Variants in ZGLP1 observed in about 807,000 individuals in gnomAD.
The protein encoded by ZGLP1 is zinc finger GATA like protein 1.
ZGLP1 carries 11 observed loss-of-function variants against 21.4 expected under a neutral mutation model. The observed-to-expected ratio is 0.51, with a 90% confidence interval of 0.32 to 0.85. The LOEUF is 0.85. ZGLP1 is among the 40% of genes least tolerant of loss of function. The pLI, the probability that ZGLP1 is intolerant of heterozygous loss-of-function variation, is 0.03. For missense variants in ZGLP1, 295 were observed against 355.6 expected, an observed-to-expected ratio of 0.83 and a Z score of 1.37; for synonymous variants, 148 against 145.0, an observed-to-expected ratio of 1.02 and a Z score of -0.15.
rs1431269671 is a variant in ZGLP1, at chr19:10,308,176, G to A, written c.497+9C>T. 9.2e-6 allele frequency: 14 copies of A among 1,517,770 alleles called. No individual in the cohort carries two copies. Among genetic ancestry groups the A allele is most frequent in the Non-Finnish European group, 1.2e-5 (14 of 1,134,722 alleles). The allele number at this position is 1,517,770 out of a possible 1,614,324, so 94.0% of individuals were successfully genotyped here. Reference sequence around the variant, plus strand: ...GAGAAAGGGCGGCCTGGCCCCAGCCGGCCCCTACCTGTACGTGGGGATGAT... The same window carrying A: ...GAGAAAGGGCGGCCTGGCCCCAGCCAGCCCCTACCTGTACGTGGGGATGAT... On this transcript the variant is annotated intron_variant, in intron 1 of 3. Coordinates refer to ENST00000403903, the Ensembl canonical transcript of ZGLP1.
At position 10,305,555 on chromosome 19, in the gene ZGLP1, G is replaced by C. The variant is rs138678961; in HGVS notation, c.605-72C>G. 3 of 1,382,360 alleles carry C rather than the reference G, an allele frequency of 2.2e-6. No individual in the cohort carries two copies. The highest frequency in any genetic ancestry group is 2.0e-6 in the Non-Finnish European group (2 of 995,002). The allele number at this position is 1,382,360 out of a possible 1,614,324, so 85.6% of individuals were successfully genotyped here. ...GAGCTCGGGATGCCTGTGCGGAGTC[G>C]GGCATTTTGTGGGGGTCTCAGTAAA... On this transcript the variant is annotated intron_variant, in intron 2 of 3. Transcript: ENST00000403903. This position sits in a 1 kb window ranked among gnomAD's most constrained non-coding sequence, Gnocchi z 4.7.
chr19:10,307,256 T>G (rs1431595598), intron 1 of ZGLP1, among the ~76,000 whole-genome samples: 1 of 152,004 alleles, frequency 6.6e-6, no homozygotes, highest in African/African-American at 2.4e-5. Flanking sequence ...CAGGCTGGTC[T>G]TGAACTCCTG....
At chr19:10,307,011 G>A (rs1039265712) in intron 1 of ZGLP1, among the ~76,000 whole-genome samples, 3 of 151,778 alleles carry the variant, frequency 2.0e-5, no homozygotes, top group Non-Finnish European at 1.5e-5. Flanking sequence ...GCAGGCACCT[G>A]TAATCCCAGC....
Position 10,305,684 on chromosome 19 carries a change from G to C in ZGLP1, c.604+162C>G, listed in dbSNP as rs1338421898. 7 of 743,660 alleles carry C rather than the reference G, an allele frequency of 9.4e-6. No individual in the cohort carries two copies. The East Asian group carries it at 1.9e-4, about 20-fold the overall frequency. 46.1% of individuals were successfully genotyped at this position (743,660 alleles called of 1,614,324 possible). A position where few individuals can be genotyped will look rare whatever the true frequency, so the allele number is the denominator to read the frequency against. The stretch of plus-strand genomic sequence containing the variant: ...AGCATTCCGCAGAGGAGGAAGCTGG[G>C]GGTGGGGGTGACTCAGCCCAAGTGG... On this transcript the variant is annotated intron_variant, in intron 2 of 3. Transcript: ENST00000403903. This position sits in a 1 kb window ranked among gnomAD's most constrained non-coding sequence, Gnocchi z 4.7.
Position 10,308,553 on chromosome 19 carries a change from G to A in ZGLP1, c.129C>T (p.Pro43=). The A allele has an allele frequency of 6.2e-7, 1 of 1,603,318 alleles. No homozygotes were observed. Residue 43 remains proline (P), a synonymous_variant, in exon 1 of 4, where the codon CCC becomes CCT. Coordinates refer to ENST00000403903, the Ensembl canonical transcript of ZGLP1. ...CCTGGCATGCAGGCCAGAGGGACCT[G>A]GGGAGAAGGGCAGTGGGGTCACGTT...
chr19:10,306,977 T>C (rs2040282991), intron 1 of ZGLP1, among the ~76,000 whole-genome samples: 1 of 151,422 alleles, frequency 6.6e-6, no homozygotes, highest in Non-Finnish European at 1.5e-5. Flanking sequence ...CTACTAAAAA[T>C]ACAAAAATTA....
At position 10,305,763 on chromosome 19, in the gene ZGLP1, G is replaced by C. The variant is rs2040275588; in HGVS notation, c.604+83C>G. 1 of 1,155,270 alleles carries C rather than the reference G, an allele frequency of 8.7e-7. No individual in the cohort carries two copies. Among genetic ancestry groups the C allele is most frequent in the South Asian group, 1.3e-5 (1 of 76,280 alleles). The allele number at this position is 1,155,270 out of a possible 1,614,324, so 71.6% of individuals were successfully genotyped here. ...GCTCTAAATGGGGAAGCAAGATGGA[G>C]AAGGGGGGGGCAGGGAGAAAGGCAG... is the stretch of plus-strand genomic sequence containing the variant. On this transcript the variant is annotated intron_variant, in intron 2 of 3. Coordinates refer to ENST00000403903, the Ensembl canonical transcript of ZGLP1. The surrounding 1 kb of genome is among the most constrained non-coding windows in gnomAD (Gnocchi z 4.7).
In ZGLP1 at chr19:10,305,519, G is replaced by A. The variant is rs1271403204; in HGVS notation, c.605-36C>T. The A allele has an allele frequency of 5.2e-6, 8 of 1,551,508 alleles. No homozygotes were observed. The highest frequency in any genetic ancestry group is 7.0e-6 in the Non-Finnish European group (8 of 1,140,434). On this transcript the variant is annotated intron_variant, in intron 2 of 3. Coordinates refer to ENST00000403903, the Ensembl canonical transcript of ZGLP1. This position sits in a 1 kb window ranked among gnomAD's most constrained non-coding sequence, Gnocchi z 4.7. ...AGAGGTCAAAGGGCAGGGGTCAGAG[G>A]CCAAGCATGTGAGCTCGGGATGCCT...
At chr19:10,308,067 G>T (rs2040289250) in intron 1 of ZGLP1, 118 bp downstream of exon 2, 11 of 1,386,200 alleles carry the variant, frequency 7.9e-6, no homozygotes, top group Non-Finnish European at 1.1e-5. Context: ...ACTGGGCCAC[G>T]TGTAACGTAG....
chr19:10,305,642 GA>G lies in ZGLP1; in HGVS notation c.605-160del. The G allele has an allele frequency of 3.9e-6, 3 of 759,506 alleles. No homozygotes were observed. The highest frequency in any genetic ancestry group is 4.4e-6 in the Non-Finnish European group (2 of 456,218). 47.0% of individuals were successfully genotyped at this position (759,506 alleles called of 1,614,324 possible). ...CAGCTCTAAGCCACAGCAAAGCCAG[GA>G]AGGGAGACAGATGGCAGCATTCCGC... On this transcript the variant is annotated intron_variant, in intron 2 of 3. Transcript: ENST00000403903. This position sits in a 1 kb window ranked among gnomAD's most constrained non-coding sequence, Gnocchi z 4.7.
chr19:10,308,099 C>T (rs1265785040), intron 1 of ZGLP1, 86 bp downstream of exon 2: 10 of 1,486,274 alleles, frequency 6.7e-6, no homozygotes, highest in South Asian at 1.4e-5. Context: ...GGGTCCACAC[C>T]GACGCCAGAG....
chr19:10,309,043 G>A (rs1393322773), exon 1 of ZGLP1: 2 of 187,858 alleles, frequency 1.1e-5, no homozygotes, highest in Non-Finnish European at 2.2e-5. Context: ...CCACCACGCC[G>A]CTGGCTTGCC....
In ZGLP1 at chr19:10,305,339, G is replaced by T; in HGVS notation, c.698+51C>A. On this transcript the variant is annotated intron_variant, in intron 3 of 3. Coordinates refer to ENST00000403903, the Ensembl canonical transcript of ZGLP1. The surrounding 1 kb of genome is among the most constrained non-coding windows in gnomAD (Gnocchi z 4.7). ...TCCCCACAGGCCATCCTGGTTACAC[G>T]TGGACTGATTTGGGGACCCCCGCCC... 6.5e-7 allele frequency: 1 copy of T among 1,546,478 alleles called. No homozygotes were observed. Among genetic ancestry groups the T allele is most frequent in the Non-Finnish European group, 8.8e-7 (1 of 1,135,748 alleles).
In ZGLP1 at chr19:10,305,286, C is replaced by T; in HGVS notation, c.699-78G>A. ...ACCGCCACAAGGAAACCACTTTTCC[C>T]AAGAGGTAGGTGTTTTGCTTTTTGC... On this transcript the variant is annotated intron_variant, in intron 3 of 3. Transcript: ENST00000403903. The surrounding 1 kb of genome is among the most constrained non-coding windows in gnomAD (Gnocchi z 4.7). 1.9e-6 allele frequency: 3 copies of T among 1,567,442 alleles called. No homozygotes were observed. The highest frequency in any genetic ancestry group is 2.6e-6 in the Non-Finnish European group (3 of 1,143,024).
chr19:10,308,970 C>T, exon 1 of ZGLP1: 1 of 270,928 alleles, frequency 3.7e-6, no homozygotes, highest in Non-Finnish European at 6.9e-6. Context: ...CAGCCTAGAA[C>T]TCCTGGGCTC....
At chr19:10,306,722 G>A (rs2040281899) in intron 1 of ZGLP1, among the ~76,000 whole-genome samples, 1 of 152,078 alleles carries the variant, frequency 6.6e-6, no homozygotes, top group Non-Finnish European at 1.5e-5. Context: ...GGCTGAGGAG[G>A]GAGGATGGCT....
rs1443448635 is a variant in ZGLP1 at position 10,304,850 on chromosome 19, T to C, written c.*241A>G. On this transcript the variant is annotated 3_prime_UTR_variant, in exon 4 of 4. Coordinates refer to ENST00000403903, the Ensembl canonical transcript of ZGLP1. Reference sequence around the variant, plus strand: ...ATTGTCCCTGCTGTAACAATGCTCATCCTTCCTGAGAGCGTCTCCTGAGGG... The same window carrying C: ...ATTGTCCCTGCTGTAACAATGCTCACCCTTCCTGAGAGCGTCTCCTGAGGG... The C allele has an allele frequency of 2.1e-5, 12 of 560,998 alleles. No individual in the cohort carries two copies. In the East Asian group the frequency reaches 3.6e-4, roughly 17 times the overall value. The allele number at this position is 560,998 out of a possible 1,614,324, so 34.8% of individuals were successfully genotyped here.
At chr19:10,308,753 G>T in exon 1 of ZGLP1, 1 of 1,359,818 alleles carries the variant, frequency 7.4e-7, no homozygotes, top group Non-Finnish European at 9.6e-7. Context: ...GGCCTCCCAG[G>T]CACGCCCAGC....
chr19:10,308,825 T>A (rs2040295542), exon 1 of ZGLP1: 2 of 645,430 alleles, frequency 3.1e-6, no homozygotes, highest in East Asian at 3.1e-5. Context: ...CCGCCCTAGG[T>A]GACCGAGGCA....
Sources: allele counts gnomAD v4.1 joint callset (sites outside exome capture counted in the v4.1 genomes callset), GRCh38; gene constraint gnomAD v4.1.1; non-coding constraint Gnocchi (gnomAD v3.1); transcripts MANE v1.5; gene names NCBI Gene and HGNC (gene_info 2026-07-23, HGNC 2026-07-21).